The following MTUS2 variants were observed in gnomAD, a reference collection of about 807,000 sequenced individuals.
The protein encoded by MTUS2 is microtubule associated scaffold protein 2.
In MTUS2, 40 loss-of-function variants were observed where a neutral mutation model predicts 114.1. The observed-to-expected ratio is 0.35, with a 90% CI of 0.27 to 0.46. The LOEUF (loss-of-function observed/expected upper bound fraction) is 0.46, where lower values mean the gene tolerates loss of function less well. MTUS2 is among the 20% of genes least tolerant of loss of function. The pLI is 1.00. For missense variants in MTUS2, 1,679 were observed against 1,705.4 expected (o/e 0.98, Z 0.27); for synonymous variants, 688 against 672.0 (o/e 1.02, Z -0.37).
chr13:29,402,802 T>C (rs960908193), intron 8 of MTUS2, among the ~76,000 whole-genome samples: 4 of 152,214 alleles, frequency 2.6e-5, no homozygotes, highest in Non-Finnish European at 4.4e-5. Flanking sequence ...TCTGTCACGA[T>C]CTCACCTCAC....
intron 2 of MTUS2, among the ~76,000 whole-genome samples, chr13:28,863,529 G>C (rs990283185): frequency 6.6e-6 from 1 of 152,108 alleles, no homozygotes; most frequent in African/African-American, 2.4e-5. Flanking sequence ...CCTTGCCTGC[G>C]AGTGAGCTTT....
At chr13:29,074,434 T>C (rs1010467955) in intron 4 of MTUS2, among the ~76,000 whole-genome samples, 9 of 152,116 alleles carry the variant, frequency 5.9e-5, no homozygotes, top group Admixed American at 5.2e-4. Context: ...TGCACATGTG[T>C]GTCTGATAGC....
chr13:29,442,584 T>C (rs971127316), intron 9 of MTUS2, among the ~76,000 whole-genome samples: 14 of 151,822 alleles, frequency 9.2e-5, no homozygotes, highest in Admixed American at 9.2e-4. Context: ...GGGGATGAAG[T>C]GTGAGCTAGT....
intron 5 of MTUS2, among the ~76,000 whole-genome samples, chr13:29,160,155 A>G (rs1343480130): frequency 6.6e-6 from 1 of 152,212 alleles, no homozygotes; most frequent in Non-Finnish European, 1.5e-5. Context: ...ACAGACTGCT[A>G]CTTAGCGGTA....
At chr13:29,196,424 AT>A (rs1430790589) in intron 5 of MTUS2, among the ~76,000 whole-genome samples, 2 of 62,278 alleles carry the variant, frequency 3.2e-5, no homozygotes, top group African/African-American at 1.7e-4. Context: ...AAATATTAAT[AT>A]TTTTCCTCAA....
intron 2 of MTUS2, among the ~76,000 whole-genome samples, chr13:28,924,765 A>G (rs1881238564): frequency 6.6e-6 from 1 of 152,110 alleles, no homozygotes; most frequent in Non-Finnish European, 1.5e-5. Context: ...TCAAGGAACT[A>G]TCTTTGGATT....
At chr13:29,203,701 A>G (rs1465249172) in intron 5 of MTUS2, among the ~76,000 whole-genome samples, 3 of 152,052 alleles carry the variant, frequency 2.0e-5, no homozygotes, top group African/African-American at 7.3e-5. Context: ...AGACCATGGG[A>G]AAAGCATAGT....
At chr13:29,003,330 G>C (rs1385305527) in intron 2 of MTUS2, among the ~76,000 whole-genome samples, 1 of 152,196 alleles carries the variant, frequency 6.6e-6, no homozygotes, top group Non-Finnish European at 1.5e-5. Flanking sequence ...ACCAGCTCAA[G>C]TGCATCCAGC....
rs1454079761 is a variant in MTUS2 at position 29,002,475 on chromosome 13, G to A, written c.-242-21982G>A. On this transcript the variant is annotated intron_variant, in intron 2 of 15. Coordinates refer to ENST00000612955, the MANE Select transcript of MTUS2 (RefSeq NM_001033602.4). ...AGAATTTGATTATCTATTACAAAGT[G>A]GTTTCAGATGATATGAAAATAGGAA... 2.6e-5 allele frequency among the ~76,000 whole-genome samples: 4 copies of A among 152,126 alleles called. No individual in the cohort carries two copies. The East Asian group carries it at 7.7e-4, about 29-fold the overall frequency.
At chr13:29,281,971 T>C in intron 6 of MTUS2, 106 bp downstream of exon 6, 3 of 1,249,344 alleles carry the variant, frequency 2.4e-6, no homozygotes, top group Non-Finnish European at 3.3e-6. Context: ...GAAGGGATGA[T>C]TGATTAAATG....
chr13:29,249,410 A>G (rs1897044457), intron 5 of MTUS2, among the ~76,000 whole-genome samples: 1 of 152,158 alleles, frequency 6.6e-6, no homozygotes, highest in African/African-American at 2.4e-5. Context: ...GGTTGAACTA[A>G]TTTACATTCC....
intron 11 of MTUS2, among the ~76,000 whole-genome samples, chr13:29,491,057 AG>A (rs1326579886): frequency 7.5e-6 from 1 of 132,774 alleles, no homozygotes; most frequent in African/African-American, 2.8e-5. Context: ...GTGTGGTGGG[AG>A]GCATGGGGAT....
At chr13:28,834,040 A>G (rs1874894932) in intron 1 of MTUS2, among the ~76,000 whole-genome samples, 2 of 152,164 alleles carry the variant, frequency 1.3e-5, no homozygotes, top group East Asian at 1.9e-4. Flanking sequence ...ACGTAAATGG[A>G]AAGACATCCT....
intron 5 of MTUS2, among the ~76,000 whole-genome samples, chr13:29,279,355 G>A (rs1898183591): frequency 6.6e-6 from 1 of 152,154 alleles, no homozygotes; most frequent in African/African-American, 2.4e-5. Context: ...GATTGGTTGG[G>A]AATGAAAAGA....
rs144899137 is a variant in MTUS2 at position 29,410,792 on chromosome 13, A to G, written c.3118-29191A>G. ...CATAGTTTTTTTAGTCATAGTTATA[A>G]AGTCATTCCCACACTATTGGTTTTG... On this transcript the variant is annotated intron_variant, in intron 8 of 15. Coordinates refer to ENST00000612955, the MANE Select transcript of MTUS2 (RefSeq NM_001033602.4). 6.6e-3 allele frequency among the ~76,000 whole-genome samples: 979 copies of G among 148,702 alleles called. 5 individuals carry two copies. Among genetic ancestry groups the G allele is most frequent in the African/African-American group, 0.023 (909 of 40,314 alleles).
chr13:28,999,605 T>C (rs1885291502), intron 2 of MTUS2, among the ~76,000 whole-genome samples: 1 of 152,176 alleles, frequency 6.6e-6, no homozygotes, highest in Non-Finnish European at 1.5e-5. Flanking sequence ...GTCACAAACA[T>C]TTGTCATTCC....
At chr13:29,376,615 A>G (rs1053860147) in intron 8 of MTUS2, among the ~76,000 whole-genome samples, 1 of 152,200 alleles carries the variant, frequency 6.6e-6, no homozygotes, top group Non-Finnish European at 1.5e-5. Context: ...ACATATTTCA[A>G]TAAAAATATA....
chr13:29,144,398 C>T (rs1179927064), intron 5 of MTUS2, among the ~76,000 whole-genome samples: 7 of 149,938 alleles, frequency 4.7e-5, no homozygotes, highest in Non-Finnish European at 8.9e-5. Flanking sequence ...GGGTGTTGCT[C>T]TGTCTCTTAG....
intron 4 of MTUS2, among the ~76,000 whole-genome samples, chr13:29,057,181 T>G (rs1888173961): frequency 6.6e-6 from 1 of 152,110 alleles, no homozygotes; most frequent in South Asian, 2.1e-4. Flanking sequence ...ATGATTTTGG[T>G]TTTTAAAAAT....
Sources: allele counts gnomAD v4.1 joint callset (sites outside exome capture counted in the v4.1 genomes callset), GRCh38; gene constraint gnomAD v4.1.1; transcripts MANE v1.5; gene names NCBI Gene and HGNC (gene_info 2026-07-23, HGNC 2026-07-21).